TMEM51: variants seen among roughly 807,000 people sequenced by gnomAD.
TMEM51 encodes transmembrane protein 51.
TMEM51 carries 8 observed loss-of-function variants against 13.6 expected under a neutral mutation model. The ratio of observed to expected loss-of-function variants is 0.59; its 90% CI spans 0.35 to 1.07. The LOEUF (loss-of-function observed/expected upper bound fraction) is 1.07, where lower values mean the gene tolerates loss of function less well. Ranked by LOEUF, TMEM51 falls within the 50% of genes least tolerant of loss-of-function variation. TMEM51 has a pLI of 0.02. For synonymous variants in TMEM51, 147 were observed against 144.4 expected, an observed-to-expected ratio of 1.02 and a Z score of -0.13; for missense variants, 279 against 330.7, an observed-to-expected ratio of 0.84 and a Z score of 1.21.
chr1:15,153,236 GAGGTGA>G (rs1642456958), upstream of TMEM51, among the ~76,000 whole-genome samples: 2 of 151,142 alleles, frequency 1.3e-5, no homozygotes, highest in Non-Finnish European at 3.0e-5. Context: ...GGAAGGAGGA[GAGGTGA>G]GTATCCCGCC....
At chr1:15,190,087 G>C (rs1399723001) in intron 1 of TMEM51, among the ~76,000 whole-genome samples, 1 of 152,202 alleles carries the variant, frequency 6.6e-6, no homozygotes, top group Admixed American at 6.5e-5. Flanking sequence ...CTGGTGTGTA[G>C]ATTAAAAACT....
rs1167069209 is a variant in TMEM51 at position 15,219,864 on chromosome 1, G to C, written c.*121G>C. 3 of 1,153,558 alleles carry C rather than the reference G, an allele frequency of 2.6e-6. No individual in the cohort carries two copies. Among genetic ancestry groups the C allele is most frequent in the African/African-American group, 3.1e-5 (2 of 64,794 alleles). 71.5% of individuals were successfully genotyped at this position (1,153,558 alleles called of 1,614,324 possible). ...GGCCAGCTGTGCATGGAGCCATTTGGATGGCGGCGGGCGGGGGGGGATTCT... is the reference window on the plus strand; with the variant it reads ...GGCCAGCTGTGCATGGAGCCATTTGCATGGCGGCGGGCGGGGGGGGATTCT... On this transcript the variant is annotated 3_prime_UTR_variant, in exon 4 of 4. Coordinates refer to ENST00000376008, the MANE Select transcript of TMEM51 (RefSeq NM_001136218.2).
intron 1 of TMEM51, among the ~76,000 whole-genome samples, chr1:15,182,200 A>AT: frequency 7.0e-6 from 1 of 142,044 alleles, no homozygotes; most frequent in East Asian, 2.0e-4. Flanking sequence ...AAATAAATAA[A>AT]TAAATAACTG....
chr1:15,186,737 G>C (rs1363928525), intron 1 of TMEM51, among the ~76,000 whole-genome samples: 1 of 152,204 alleles, frequency 6.6e-6, no homozygotes, highest in Non-Finnish European at 1.5e-5. Flanking sequence ...GCCATGAAGG[G>C]ATGTTGCCTG....
chr1:15,165,116 T>G (rs1329715344), intron 1 of TMEM51, among the ~76,000 whole-genome samples: 3 of 152,108 alleles, frequency 2.0e-5, no homozygotes, highest in East Asian at 3.9e-4. Flanking sequence ...TTCTAGTTAG[T>G]AAGGAAAAGC....
chr1:15,202,905 G>C (rs991676973), intron 1 of TMEM51, among the ~76,000 whole-genome samples: 1 of 152,144 alleles, frequency 6.6e-6, no homozygotes, highest in African/African-American at 2.4e-5. Context: ...CTTCTTCTCT[G>C]CCCCTAACTT....
chr1:15,209,617 G>A (rs568943478), intron 1 of TMEM51, among the ~76,000 whole-genome samples: 17 of 152,230 alleles, frequency 1.1e-4, no homozygotes, highest in African/African-American at 1.9e-4. Flanking sequence ...TCACTGCTGC[G>A]TACGTAATAC....
intron 1 of TMEM51, among the ~76,000 whole-genome samples, chr1:15,197,210 G>A (rs80069877): frequency 0.028 from 4,289 of 152,302 alleles, 198 homozygotes; most frequent in African/African-American, 0.092. Flanking sequence ...TTATCACTGT[G>A]CCCCAGAGTG....
intron 1 of TMEM51, among the ~76,000 whole-genome samples, chr1:15,193,271 A>G (rs1319987938): frequency 6.6e-6 from 1 of 152,180 alleles, no homozygotes; most frequent in Non-Finnish European, 1.5e-5. Flanking sequence ...CTCCCTCTCC[A>G]GGCTGCCACT....
chr1:15,192,455 C>CCTTTTTTTTTTTTTTTTTT, intron 1 of TMEM51: 1 of 165,766 alleles, frequency 6.0e-6, no homozygotes, highest in South Asian at 7.9e-5. Context: ...TCTTTCTTTT[C>CCTTTTTTTTTTTTTTTTTT]TTTTCCTTTT....
chr1:15,162,069 T>C (rs920606405), intron 1 of TMEM51, among the ~76,000 whole-genome samples: 1 of 152,050 alleles, frequency 6.6e-6, no homozygotes, highest in African/African-American at 2.4e-5. Flanking sequence ...GAGCAGACTC[T>C]TTAACAACCA....
At position 15,160,840 on chromosome 1, in the gene TMEM51, GA is replaced by G. The variant is rs926211326; in HGVS notation, c.-267+6887del. ...TATGCCAGGCGCTGAGCCCAGGAAC[GA>G]GGGAGAGTCAGCCCCCGCCCCCCAC... is the stretch of plus-strand genomic sequence containing the variant. On this transcript the variant is annotated intron_variant, in intron 1 of 3. Coordinates refer to ENST00000376008, the MANE Select transcript of TMEM51 (RefSeq NM_001136218.2). 1.8e-4 allele frequency among the ~76,000 whole-genome samples: 27 copies of G among 151,996 alleles called. 1 individual carries two copies. Among genetic ancestry groups the G allele is most frequent in the Admixed American group, 1.3e-3 (20 of 15,272 alleles).
chr1:15,177,582 G>T lies in TMEM51; in HGVS notation c.-267+23628G>T, dbSNP rs531981530. On this transcript the variant is annotated intron_variant, in intron 1 of 3. Coordinates refer to ENST00000376008, the MANE Select transcript of TMEM51 (RefSeq NM_001136218.2). Reference sequence around the variant, plus strand: ...CAGTTGGTCACAGACTGAAGGGGGGGGCCTGTCCCTGTGGTTAATTGGTGA... The same window carrying T: ...CAGTTGGTCACAGACTGAAGGGGGGTGCCTGTCCCTGTGGTTAATTGGTGA... 4.6e-5 allele frequency among the ~76,000 whole-genome samples: 7 copies of T among 152,284 alleles called. No individual in the cohort carries two copies. In the South Asian group the frequency reaches 1.2e-3, roughly 27 times the overall value.
At chr1:15,168,666 A>G (rs1192470678) in intron 1 of TMEM51, 2 of 1,304,436 alleles carry the variant, frequency 1.5e-6, no homozygotes, top group East Asian at 1.1e-4. Flanking sequence ...CATCTGAGGA[A>G]GTCTGTTGGT....
In TMEM51 at chr1:15,220,001, C is replaced by G. The variant is rs1196393191; in HGVS notation, c.*258C>G. 6.1e-6 allele frequency: 3 copies of G among 494,510 alleles called. No individual in the cohort carries two copies. Among genetic ancestry groups the G allele is most frequent in the Non-Finnish European group, 1.1e-5 (3 of 278,478 alleles). The allele number at this position is 494,510 out of a possible 1,614,324, so 30.6% of individuals were successfully genotyped here. ...GTGGACCACATTCAAGGGTGTGGCA[C>G]AGGCATCTTCCCATCCTTTTCACTC... is the stretch of plus-strand genomic sequence containing the variant. On this transcript the variant is annotated 3_prime_UTR_variant, in exon 4 of 4. Coordinates refer to ENST00000376008, the MANE Select transcript of TMEM51 (RefSeq NM_001136218.2).
In TMEM51 at chr1:15,190,147, G is replaced by C. The variant is rs1643896492; in HGVS notation, c.-266-20343G>C. Among the ~76,000 whole-genome samples, 3 of 152,184 alleles carry C rather than the reference G, an allele frequency of 2.0e-5. 1 individual carries two copies. In the South Asian group the frequency reaches 6.2e-4, roughly 32 times the overall value. ...GGCAGGTGAGAGACGGGATTTTAGA[G>C]GGGTTCAGAGGATGGACTCTGGACT... On this transcript the variant is annotated intron_variant, in intron 1 of 3. Transcript: ENST00000376008.
At position 15,219,363 on chromosome 1, in the gene TMEM51, A is replaced by G. The variant is rs780474436; in HGVS notation, c.382A>G (p.Arg128Gly). ...EEEEDEEAASRYYVPSYEEVM... is the reference protein window; with the variant it reads ...EEEEDEEAASGYYVPSYEEVM... ...AGAGGAGGATGAGGAGGCTGCCTCAAGGTACTATGTTCCCAGCTACGAGGA... is the reference window on the plus strand; with the variant it reads ...AGAGGAGGATGAGGAGGCTGCCTCAGGGTACTATGTTCCCAGCTACGAGGA... The change falls in exon 4 of 4, where the codon AGG (arginine) becomes GGG (glycine). Residue 128 changes from arginine to glycine, a missense_variant. Physicochemically the swap from Arg to Gly is moderately radical, Grantham distance 125. Coordinates refer to ENST00000376008, the MANE Select transcript of TMEM51 (RefSeq NM_001136218.2). 6.2e-7 allele frequency: 1 copy of G among 1,600,626 alleles called. No individual in the cohort carries two copies. Among genetic ancestry groups the G allele is most frequent in the South Asian group, 1.1e-5 (1 of 90,020 alleles).
At chr1:15,159,247 G>A (rs1200964927) in intron 1 of TMEM51, among the ~76,000 whole-genome samples, 3 of 152,178 alleles carry the variant, frequency 2.0e-5, no homozygotes, top group Non-Finnish European at 4.4e-5. Flanking sequence ...AGAAACTGAG[G>A]CCACAAAACA....
At chr1:15,157,363 C>A (rs939735379) in intron 1 of TMEM51, among the ~76,000 whole-genome samples, 2 of 152,172 alleles carry the variant, frequency 1.3e-5, no homozygotes, top group Non-Finnish European at 2.9e-5. Context: ...AGCTTCAGAT[C>A]TTAGAATATC....
Sources: allele counts gnomAD v4.1 joint callset (sites outside exome capture counted in the v4.1 genomes callset), GRCh38; gene constraint gnomAD v4.1.1; transcripts MANE v1.5; gene names NCBI Gene and HGNC (gene_info 2026-07-23, HGNC 2026-07-21).